CELF2: variants seen among roughly 807,000 people sequenced by gnomAD.
The protein encoded by CELF2 is CUGBP Elav-like family member 2.
A neutral mutation model predicts 62.6 loss-of-function variants in CELF2; 8 were observed. The ratio of observed to expected loss-of-function variants is 0.13; its 90% CI spans 0.07 to 0.23. CELF2 has a LOEUF of 0.23. Among genes scored for constraint, CELF2 ranks in the 10% least tolerant of loss-of-function variants. The pLI is 1.00. For missense variants in CELF2, 333 were observed against 671.0 expected (o/e 0.50, Z 5.56); for synonymous variants, 258 against 250.0 (o/e 1.03, Z -0.30).
chr10:10,774,420 G>A, the CELF2 span, among the ~76,000 whole-genome samples: 1 of 152,188 alleles, frequency 6.6e-6, no homozygotes, highest in Admixed American at 6.5e-5. Context: ...GGGACCTGGT[G>A]GGAGGTGACT....
At chr10:11,279,705 CATTAA>C (rs766794611) in intron 8 of CELF2, among the ~76,000 whole-genome samples, 17 of 152,224 alleles carry the variant, frequency 1.1e-4, no homozygotes, top group South Asian at 6.2e-4. Context: ...CTAAGGTGAA[CATTAA>C]ATTAAATTTT....
At chr10:11,170,805 C>T (rs1412948574) in intron 2 of CELF2, among the ~76,000 whole-genome samples, 3 of 152,224 alleles carry the variant, frequency 2.0e-5, no homozygotes, top group Non-Finnish European at 1.5e-5. Context: ...TTTGGATCAT[C>T]GCTCTCGTAA....
At chr10:11,076,390 G>A (rs1337833559) in intron 1 of CELF2, among the ~76,000 whole-genome samples, 1 of 152,202 alleles carries the variant, frequency 6.6e-6, no homozygotes, top group Non-Finnish European at 1.5e-5. Flanking sequence ...TTGCAAGGAC[G>A]TAGGCTTGAT....
intron 2 of CELF2, among the ~76,000 whole-genome samples, chr10:11,185,981 G>C (rs963700694): frequency 6.6e-6 from 1 of 152,194 alleles, no homozygotes; most frequent in Non-Finnish European, 1.5e-5. Flanking sequence ...AACTATGTAA[G>C]AAGGTTTTTA....
chr10:10,904,786 C>T (rs748795321), intron 1 of CELF2, among the ~76,000 whole-genome samples: 29 of 152,164 alleles, frequency 1.9e-4, no homozygotes, highest in Non-Finnish European at 3.5e-4. Context: ...ACCATTTTAC[C>T]CCACAACTGC....
At chr10:11,203,786 T>G (rs17149796) in intron 2 of CELF2, among the ~76,000 whole-genome samples, 18 of 152,214 alleles carry the variant, frequency 1.2e-4, no homozygotes, top group African/African-American at 4.3e-4. Flanking sequence ...TCATCCTTCT[T>G]CTTTTAGGAC....
chr10:10,559,319 T>C, the CELF2 span, among the ~76,000 whole-genome samples: 2 of 152,212 alleles, frequency 1.3e-5, no homozygotes, highest in Non-Finnish European at 2.9e-5. Flanking sequence ...AGCCATCTGG[T>C]TTTGAATCTC....
In CELF2 at chr10:11,217,600, A is replaced by G. The variant is rs1036291830; in HGVS notation, c.354+93A>G. On this transcript the variant is annotated intron_variant, in intron 3 of 12. Transcript: ENST00000633077. This position sits in a 1 kb window ranked among gnomAD's most constrained non-coding sequence, Gnocchi z 5.6. ...CTAGTTATGGGCTCTTAGTGCCAAA[A>G]ATGACTTTGGTCTTTTGAGGAGTGT... The G allele has an allele frequency of 2.3e-5, 22 of 938,298 alleles. 1 individual carries two copies. In the South Asian group the frequency reaches 3.3e-4, roughly 14 times the overall value. 58.1% of individuals were successfully genotyped at this position (938,298 alleles called of 1,614,324 possible). A position where few individuals can be genotyped will look rare whatever the true frequency, so the allele number is the denominator to read the frequency against.
At chr10:10,578,933 G>T in the CELF2 span, among the ~76,000 whole-genome samples, 1 of 152,140 alleles carries the variant, frequency 6.6e-6, no homozygotes. Flanking sequence ...CTTAGCTCAT[G>T]CATGTTGGGA....
chr10:11,003,646 G>A (rs1225873271), upstream of CELF2, among the ~76,000 whole-genome samples: 1 of 152,088 alleles, frequency 6.6e-6, no homozygotes, highest in Non-Finnish European at 1.5e-5. This position sits in a 1 kb window ranked among gnomAD's most constrained non-coding sequence, Gnocchi z 4.4. Flanking sequence ...TTCTGCCCCA[G>A]CACCGAGCAC....
intron 1 of CELF2, among the ~76,000 whole-genome samples, chr10:10,890,668 G>A (rs190265203): frequency 4.1e-4 from 63 of 152,274 alleles, no homozygotes; most frequent in Admixed American, 3.3e-3. Context: ...ACATCCATGC[G>A]CAAAGTGTTT....
intron 2 of CELF2, among the ~76,000 whole-genome samples, chr10:11,184,012 A>G (rs998443381): frequency 1.2e-4 from 19 of 152,282 alleles, no homozygotes; most frequent in Admixed American, 9.8e-4. Context: ...GGTTTTTTCT[A>G]TATTTTCTTC....
chr10:11,042,054 C>T (rs553701677), intron 1 of CELF2, among the ~76,000 whole-genome samples: 16 of 152,094 alleles, frequency 1.1e-4, no homozygotes, highest in Admixed American at 4.6e-4. Flanking sequence ...TTCTGTTGAA[C>T]GATTTTTGCA....
At chr10:10,542,568 G>A in the CELF2 span, among the ~76,000 whole-genome samples, 3 of 152,208 alleles carry the variant, frequency 2.0e-5, no homozygotes, top group Non-Finnish European at 4.4e-5. Flanking sequence ...GATGTGTCCT[G>A]ATTGGAGGCT....
chr10:10,581,622 C>G, the CELF2 span, among the ~76,000 whole-genome samples: 10 of 152,188 alleles, frequency 6.6e-5, no homozygotes, highest in South Asian at 6.2e-4. Flanking sequence ...AGGAAACAAA[C>G]TAATCCAGAG....
intron 1 of CELF2, among the ~76,000 whole-genome samples, chr10:11,144,233 G>A (rs1439379717): frequency 6.6e-6 from 1 of 152,056 alleles, no homozygotes; most frequent in Non-Finnish European, 1.5e-5. Context: ...CAGCAGGCTT[G>A]TGAGTAAGAA....
At chr10:10,495,042 C>T in the CELF2 span, among the ~76,000 whole-genome samples, 90 of 152,002 alleles carry the variant, frequency 5.9e-4, no homozygotes, top group African/African-American at 2.0e-3. Context: ...TTTGGGAGGC[C>T]GAGGCGGGCA....
the CELF2 span, among the ~76,000 whole-genome samples, chr10:10,701,359 G>C: frequency 1.3e-5 from 2 of 152,224 alleles, no homozygotes; most frequent in Non-Finnish European, 2.9e-5. Flanking sequence ...AGTCTCCAGA[G>C]CCTGGTTAAA....
At position 11,290,337 on chromosome 10, in the gene CELF2, A is replaced by G. The variant is rs935552849; in HGVS notation, c.976+1785A>G. On this transcript the variant is annotated intron_variant, in intron 9 of 12. Transcript: ENST00000633077. The surrounding 1 kb of genome is among the most constrained non-coding windows in gnomAD (Gnocchi z 4.3). ...AGACCTGAGTTCCGTGACGGAAGCC[A>G]TGGCGCGTGTTGAGGCAGAGGACAG... 2.6e-5 allele frequency among the ~76,000 whole-genome samples: 4 copies of G among 152,140 alleles called. No homozygotes were observed. The highest frequency in any genetic ancestry group is 2.9e-5 in the Non-Finnish European group (2 of 68,018).
Sources: allele counts gnomAD v4.1 joint callset (sites outside exome capture counted in the v4.1 genomes callset), GRCh38; gene constraint gnomAD v4.1.1; non-coding constraint Gnocchi (gnomAD v3.1); transcripts MANE v1.5; gene names NCBI Gene and HGNC (gene_info 2026-07-23, HGNC 2026-07-21).